The following NR2F1-AS1 variants were observed in gnomAD, a reference collection of about 807,000 sequenced individuals.
The protein encoded by NR2F1-AS1 is NR2F1 regulatory antisense RNA 1.
At chr5:93,419,850 G>T (rs1023786117) in intron 4 of NR2F1-AS1, among the ~76,000 whole-genome samples, 1 of 152,144 alleles carries the variant, frequency 6.6e-6, no homozygotes, top group Non-Finnish European at 1.5e-5. Context: ...AGCCAAGGTG[G>T]AGGAGGTAGC....
At chr5:93,486,767 ACCAAAAC>A (rs1449699713) in intron 4 of NR2F1-AS1, among the ~76,000 whole-genome samples, 2 of 152,210 alleles carry the variant, frequency 1.3e-5, no homozygotes, top group Non-Finnish European at 2.9e-5. Flanking sequence ...TCATCCTGAT[ACCAAAAC>A]CTGGCAGAGA....
intron 4 of NR2F1-AS1, among the ~76,000 whole-genome samples, chr5:93,423,868 T>A (rs1749141318): frequency 6.6e-6 from 1 of 152,198 alleles, no homozygotes; most frequent in African/African-American, 2.4e-5. Flanking sequence ...CCTTCACTTC[T>A]GTAAAATTAT....
chr5:93,530,776 T>A (rs539878493), intron 4 of NR2F1-AS1, among the ~76,000 whole-genome samples: 1 of 152,302 alleles, frequency 6.6e-6, no homozygotes, highest in African/African-American at 2.4e-5. Flanking sequence ...CTCAAATCCA[T>A]GATAGTTTGG....
At chr5:93,449,677 A>C (rs937818584) in intron 4 of NR2F1-AS1, among the ~76,000 whole-genome samples, 2 of 152,208 alleles carry the variant, frequency 1.3e-5, no homozygotes, top group Non-Finnish European at 2.9e-5. Flanking sequence ...AAAGGCAAGA[A>C]AAGTGTTTTT....
intron 4 of NR2F1-AS1, among the ~76,000 whole-genome samples, chr5:93,532,407 G>C (rs1002357245): frequency 2.0e-5 from 3 of 152,100 alleles, no homozygotes; most frequent in African/African-American, 7.2e-5. Context: ...CAGAGAGAGA[G>C]AGAGAAAGAG....
intron 4 of NR2F1-AS1, among the ~76,000 whole-genome samples, chr5:93,454,199 T>A (rs904278710): frequency 6.6e-6 from 1 of 152,104 alleles, no homozygotes; most frequent in East Asian, 1.9e-4. Context: ...AAGGATCCCT[T>A]GAACCCAGGA....
chr5:93,549,731 T>A (rs1039752646), intron 4 of NR2F1-AS1, among the ~76,000 whole-genome samples: 2 of 152,148 alleles, frequency 1.3e-5, no homozygotes, highest in African/African-American at 4.8e-5. Context: ...AATATATCAA[T>A]CACATTAAAG....
chr5:93,485,457 A>T (rs1022335359), intron 4 of NR2F1-AS1, among the ~76,000 whole-genome samples: 1 of 151,636 alleles, frequency 6.6e-6, no homozygotes, highest in African/African-American at 2.4e-5. Flanking sequence ...ACACAGTTGA[A>T]GCAGTGTTTA....
At chr5:93,552,823 C>A (rs1561497638) in intron 4 of NR2F1-AS1, among the ~76,000 whole-genome samples, 2 of 152,046 alleles carry the variant, frequency 1.3e-5, no homozygotes, top group Non-Finnish European at 2.9e-5. Flanking sequence ...CACATACACA[C>A]ACATATGTAT....
intron 1 of NR2F1-AS1, among the ~76,000 whole-genome samples, chr5:93,575,240 C>T (rs923539730): frequency 1.3e-5 from 2 of 152,198 alleles, no homozygotes; most frequent in African/African-American, 4.8e-5. Context: ...GAGGTAAAGC[C>T]CAGTGCTTTC....
At chr5:93,564,069 TCCAG>T (rs1366070688) in intron 1 of NR2F1-AS1, among the ~76,000 whole-genome samples, 3 of 116,066 alleles carry the variant, frequency 2.6e-5, no homozygotes, top group African/African-American at 1.0e-4. Context: ...GCCACTGTAC[TCCAG>T]CCTGGGTGAC....
chr5:93,482,148 G>A (rs891849648), intron 4 of NR2F1-AS1, among the ~76,000 whole-genome samples: 7 of 152,042 alleles, frequency 4.6e-5, no homozygotes, highest in South Asian at 4.1e-4. Flanking sequence ...AGAAATTATC[G>A]GGGTGGCTAG....
chr5:93,518,264 C>A (rs1174431357), intron 4 of NR2F1-AS1, among the ~76,000 whole-genome samples: 1 of 152,064 alleles, frequency 6.6e-6, no homozygotes, highest in Non-Finnish European at 1.5e-5. Flanking sequence ...CCTAGTGTCT[C>A]CAGACCTGAG....
chr5:93,502,180 A>G (rs1221119719), intron 4 of NR2F1-AS1, among the ~76,000 whole-genome samples: 3 of 152,198 alleles, frequency 2.0e-5, no homozygotes, highest in Admixed American at 1.3e-4. Context: ...GCACTGGGAA[A>G]CCAAAAAATG....
At chr5:93,558,436 T>A (rs1374442382) in intron 2 of NR2F1-AS1, among the ~76,000 whole-genome samples, 2 of 151,396 alleles carry the variant, frequency 1.3e-5, no homozygotes, top group African/African-American at 4.9e-5. Context: ...TTCTCCTGCC[T>A]CAGCCTCCCT....
At chr5:93,415,168 G>C (rs147870460) in intron 4 of NR2F1-AS1, among the ~76,000 whole-genome samples, 62 of 152,296 alleles carry the variant, frequency 4.1e-4, no homozygotes, top group Admixed American at 1.1e-3. Context: ...AGGTTAGGTT[G>C]CTGTAACAAA....
intron 4 of NR2F1-AS1, among the ~76,000 whole-genome samples, chr5:93,521,025 A>T (rs1751491028): frequency 1.3e-5 from 2 of 152,196 alleles, no homozygotes; most frequent in Non-Finnish European, 1.5e-5. Flanking sequence ...AAAAGTGCAT[A>T]GACCAATGGA....
At chr5:93,442,553 TG>T (rs988140764) in intron 4 of NR2F1-AS1, among the ~76,000 whole-genome samples, 1 of 152,162 alleles carries the variant, frequency 6.6e-6, no homozygotes, top group African/African-American at 2.4e-5. Flanking sequence ...AAGCTCAAAC[TG>T]GGTGGAGCCC....
upstream of NR2F1-AS1, among the ~76,000 whole-genome samples, chr5:93,581,993 C>T (rs62367480): frequency 8.8e-6 from 1 of 113,512 alleles, no homozygotes; most frequent in African/African-American, 4.3e-5. Flanking sequence ...TCTCTCTCCC[C>T]TCTCCTCTCT....
Sources: gnomAD v4.1 joint callset for allele counts (sites outside exome capture counted in the v4.1 genomes callset) on GRCh38, gnomAD v4.1.1 for gene constraint, MANE v1.5 for transcripts, NCBI Gene and HGNC (gene_info 2026-07-23, HGNC 2026-07-21) for gene names.